The following FSTL5 variants were observed in gnomAD, a reference collection of about 807,000 sequenced individuals.
FSTL5 encodes follistatin like 5.
A neutral mutation model predicts 89.1 loss-of-function variants in FSTL5; 62 were observed. The ratio of observed to expected loss-of-function variants is 0.70; its 90% CI spans 0.57 to 0.86. The LOEUF (loss-of-function observed/expected upper bound fraction) is 0.86. FSTL5 is among the 40% of genes least tolerant of loss of function. The probability of loss-of-function intolerance (pLI) is 0.00; values close to 1 mark genes in which losing one functional copy is unlikely to be tolerated. For synonymous variants in FSTL5, 383 were observed against 346.2 expected (o/e 1.11, Z -1.18); for missense variants, 1,057 against 1,001.6 (o/e 1.06, Z -0.75).
intron 6 of FSTL5, among the ~76,000 whole-genome samples, chr4:161,658,507 T>C (rs1736597766): frequency 6.6e-6 from 1 of 151,822 alleles, no homozygotes; most frequent in Non-Finnish European, 1.5e-5. Context: ...GATTAATATA[T>C]ATTCTGTCAT....
intron 3 of FSTL5, among the ~76,000 whole-genome samples, chr4:161,942,837 G>C (rs145457783): frequency 1.2e-4 from 19 of 152,256 alleles, no homozygotes; most frequent in South Asian, 2.1e-4. Flanking sequence ...AAGCAATTGG[G>C]AGAGGGAAGG....
intron 4 of FSTL5, among the ~76,000 whole-genome samples, chr4:161,843,622 G>A (rs886814412): frequency 6.6e-6 from 1 of 152,060 alleles, no homozygotes; most frequent in African/African-American, 2.4e-5. Context: ...CGGAAAAGAG[G>A]CCTCAGAAAT....
intron 15 of FSTL5, among the ~76,000 whole-genome samples, chr4:161,446,997 T>C (rs1732967718): frequency 6.6e-6 from 1 of 152,066 alleles, no homozygotes. Context: ...TATATTTGTA[T>C]ACCATAGCTG....
chr4:161,935,487 T>C (rs1025839306), intron 3 of FSTL5, among the ~76,000 whole-genome samples: 3 of 152,124 alleles, frequency 2.0e-5, no homozygotes, highest in Non-Finnish European at 4.4e-5. Flanking sequence ...TAGTGTTAAT[T>C]GAATGCACTT....
intron 3 of FSTL5, among the ~76,000 whole-genome samples, chr4:161,978,889 T>C (rs563991176): frequency 2.2e-4 from 33 of 152,280 alleles, no homozygotes; most frequent in African/African-American, 7.2e-4. Context: ...ATCAGGTTTT[T>C]AATCACTGAT....
rs1178977194 is a variant in FSTL5 at position 161,455,025 on chromosome 4, G to A, written c.1820C>T (p.Thr607Ile). 1.2e-6 allele frequency: 2 copies of A among 1,613,512 alleles called. No individual in the cohort carries two copies. Among genetic ancestry groups the A allele is most frequent in the South Asian group, 2.2e-5 (2 of 91,002 alleles). ...TTACCTCATATGGGTGATAATGAGT[G>A]TTGTGGTGGGAATGAAAAAATCATC... ...RVDDFFIPTT[T>I]LIITHMRFGF... The change falls in exon 15 of 16, where the codon ACA becomes ATA. Residue 607 changes from threonine (T) to isoleucine (I), a missense_variant. Around this residue, in one of 3 missense-constraint regions of FSTL5, gnomAD observed 980 missense variants for 903.2 expected, o/e 1.08. Transcript: ENST00000306100.
chr4:161,999,890 G>T (rs1736411312), intron 3 of FSTL5, among the ~76,000 whole-genome samples: 1 of 152,132 alleles, frequency 6.6e-6, no homozygotes, highest in Non-Finnish European at 1.5e-5. Flanking sequence ...GACTTCAGAG[G>T]TCAAATTCAC....
At chr4:162,115,536 C>T (rs998535641) in intron 1 of FSTL5, among the ~76,000 whole-genome samples, 3 of 152,106 alleles carry the variant, frequency 2.0e-5, no homozygotes, top group Admixed American at 2.0e-4. Flanking sequence ...CTGAAAAGCA[C>T]GTGACTAAAA....
intron 4 of FSTL5, among the ~76,000 whole-genome samples, chr4:161,898,060 AT>A (rs1170823841): frequency 6.7e-6 from 1 of 148,990 alleles, no homozygotes; most frequent in Admixed American, 6.7e-5. Flanking sequence ...TTGACAGCTC[AT>A]TTTTTATTGT....
chr4:161,975,595 G>T (rs1735612304), intron 3 of FSTL5, among the ~76,000 whole-genome samples: 2 of 148,216 alleles, frequency 1.3e-5, no homozygotes, highest in Admixed American at 1.3e-4. Context: ...ACACTCTGGG[G>T]ACTGTGGTGG....
chr4:162,025,034 A>G (rs1327207763), intron 3 of FSTL5, among the ~76,000 whole-genome samples: 1 of 152,134 alleles, frequency 6.6e-6, no homozygotes, highest in East Asian at 1.9e-4. Context: ...AATAAGGAAA[A>G]TATCTTCTAT....
intron 4 of FSTL5, among the ~76,000 whole-genome samples, chr4:161,860,154 G>C (rs373166659): frequency 6.6e-6 from 1 of 152,058 alleles, no homozygotes; most frequent in South Asian, 2.1e-4. Context: ...CGGGCGTGGT[G>C]GCGGGCGCCT....
chr4:161,982,122 G>T (rs1049330431), intron 3 of FSTL5, among the ~76,000 whole-genome samples: 1 of 152,162 alleles, frequency 6.6e-6, no homozygotes, highest in Non-Finnish European at 1.5e-5. Context: ...TTACTTGAGG[G>T]TTAGGCTATG....
chr4:161,808,153 T>C (rs1282377391), intron 4 of FSTL5, among the ~76,000 whole-genome samples: 3 of 152,086 alleles, frequency 2.0e-5, no homozygotes, highest in Non-Finnish European at 4.4e-5. Context: ...AGAGAAAAGA[T>C]TGTGAGAAAA....
chr4:161,635,659 T>C (rs1302004236), intron 7 of FSTL5, among the ~76,000 whole-genome samples: 1 of 152,170 alleles, frequency 6.6e-6, no homozygotes, highest in African/African-American at 2.4e-5. Context: ...CATGGTAGAA[T>C]AGAAATAAGT....
intron 2 of FSTL5, among the ~76,000 whole-genome samples, chr4:162,046,143 T>A (rs1314267259): frequency 2.0e-5 from 3 of 152,192 alleles, no homozygotes; most frequent in Non-Finnish European, 4.4e-5. Flanking sequence ...CGGGTTTTTT[T>A]ATTTGGAACG....
chr4:161,583,055 A>G (rs1474851741), intron 8 of FSTL5, among the ~76,000 whole-genome samples: 1 of 152,096 alleles, frequency 6.6e-6, no homozygotes, highest in Non-Finnish European at 1.5e-5. Context: ...TAAAAAAAGT[A>G]GCCAGGCGTG....
chr4:161,566,814 A>T (rs917356677), intron 8 of FSTL5, among the ~76,000 whole-genome samples: 2 of 152,132 alleles, frequency 1.3e-5, no homozygotes. Context: ...GTTAAAAGGT[A>T]TTAATCTGGA....
In FSTL5 at chr4:161,690,271, A is replaced by T. The variant is rs540104277; in HGVS notation, c.728-33777T>A. Among the ~76,000 whole-genome samples the T allele has an allele frequency of 2.6e-5, 4 of 152,186 alleles. No homozygotes were observed. In the East Asian group the frequency reaches 7.7e-4, roughly 29 times the overall value. On this transcript the variant is annotated intron_variant, in intron 6 of 15. Coordinates refer to ENST00000306100, the MANE Select transcript of FSTL5 (RefSeq NM_020116.5). ...TTCTACCTCCTTGTCTATACCTGTTATGTTTTCATCTTGTATTTAACATGT... is the reference window on the plus strand; with the variant it reads ...TTCTACCTCCTTGTCTATACCTGTTTTGTTTTCATCTTGTATTTAACATGT...
Sources: allele counts gnomAD v4.1 joint callset (sites outside exome capture counted in the v4.1 genomes callset), GRCh38; gene constraint gnomAD v4.1.1; regional missense constraint gnomAD v4.1.1; transcripts MANE v1.5; gene names NCBI Gene and HGNC (gene_info 2026-07-23, HGNC 2026-07-21).